The following GMPR variants were observed in gnomAD, a reference collection of about 807,000 sequenced individuals.
The protein encoded by GMPR is GMP reductase 1.
A neutral mutation model predicts 38.4 loss-of-function variants in GMPR; 31 were observed. The ratio of observed to expected loss-of-function variants is 0.81; its 90% CI spans 0.61 to 1.09. The LOEUF is 1.09. GMPR is among the 50% of genes least tolerant of loss of function. GMPR has a pLI of 0.00. For synonymous variants in GMPR, 162 were observed against 173.3 expected, an observed-to-expected ratio of 0.93 and a Z score of 0.51; for missense variants, 468 against 453.7, an observed-to-expected ratio of 1.03 and a Z score of -0.29.
At chr6:16,244,932 G>T (rs938325146) in intron 1 of GMPR, among the ~76,000 whole-genome samples, 1 of 152,168 alleles carries the variant, frequency 6.6e-6, no homozygotes, top group Non-Finnish European at 1.5e-5. Flanking sequence ...TCTGTGTTTT[G>T]TGTCCTGCTG....
At chr6:16,275,082 T>G (rs1409608442) in intron 5 of GMPR, among the ~76,000 whole-genome samples, 1 of 152,210 alleles carries the variant, frequency 6.6e-6, no homozygotes, top group African/African-American at 2.4e-5. Context: ...TAGAGCCTTC[T>G]GTCCTTGTCA....
In GMPR at chr6:16,290,642, C is replaced by T. The variant is rs150906211; in HGVS notation, c.857+21C>T. 6.6e-5 allele frequency: 106 copies of T among 1,607,064 alleles called. 1 individual carries two copies. In the African/African-American group the frequency reaches 9.8e-4, roughly 15 times the overall value. On this transcript the variant is annotated intron_variant, in intron 8 of 8. Transcript: ENST00000259727. ...TACAGGTGAGGAGGTGACCCCGGGG[C>T]GCACCCTCGAGGCCTGGCCTTGCTT...
chr6:16,285,846 G>T lies in GMPR; in HGVS notation c.697+11G>T. ...TCGCCAAAGCCTTTGGTAAGGCCGG[G>T]CCCTGGTGCAGAGGGAGGGAAGGAA... is the stretch of plus-strand genomic sequence containing the variant. On this transcript the variant is annotated intron_variant, in intron 7 of 8. Coordinates refer to ENST00000259727, the MANE Select transcript of GMPR (RefSeq NM_006877.4). 2.5e-6 allele frequency: 4 copies of T among 1,606,122 alleles called. No homozygotes were observed. The South Asian group carries it at 4.5e-5, about 18-fold the overall frequency.
intron 1 of GMPR, among the ~76,000 whole-genome samples, chr6:16,241,357 C>T (rs955241186): frequency 1.3e-5 from 2 of 152,144 alleles, no homozygotes; most frequent in African/African-American, 4.8e-5. Flanking sequence ...AGAGTGATCT[C>T]CCCCTCAGAA....
rs78444809 is a variant in GMPR at position 16,246,655 on chromosome 6, C to T, written c.88-187C>T. On this transcript the variant is annotated intron_variant, in intron 1 of 8. Transcript: ENST00000259727. ...GAAAGTAGGAGAGAGCTTCCGATTC[C>T]GAGGCTTGTCTTGACGGCGGAATTT... 8.7e-3 allele frequency among the ~76,000 whole-genome samples: 1,329 copies of T among 152,234 alleles called. 10 individuals are homozygous for T. Among genetic ancestry groups the T allele is most frequent in the Non-Finnish European group, 0.013 (917 of 68,018 alleles).
chr6:16,266,154 CT>C (rs1759212405), intron 4 of GMPR, among the ~76,000 whole-genome samples: 5 of 122,884 alleles, frequency 4.1e-5, no homozygotes, highest in African/African-American at 1.8e-4. Context: ...AGCTGTAACA[CT>C]TGCCATCTTT....
At chr6:16,289,079 GT>G (rs1243964630) in intron 7 of GMPR, among the ~76,000 whole-genome samples, 1 of 152,174 alleles carries the variant, frequency 6.6e-6, no homozygotes, top group Non-Finnish European at 1.5e-5. Context: ...GTGATTTGTT[GT>G]TTCGCTCTTT....
intron 6 of GMPR, among the ~76,000 whole-genome samples, chr6:16,284,596 G>T (rs922775226): frequency 5.9e-5 from 9 of 152,160 alleles, no homozygotes; most frequent in Non-Finnish European, 1.2e-4. Flanking sequence ...TGGCTTTCGT[G>T]ACTGTCCCCG....
intron 1 of GMPR, among the ~76,000 whole-genome samples, chr6:16,240,325 A>G (rs1246986079): frequency 6.6e-6 from 1 of 152,332 alleles, no homozygotes; most frequent in African/African-American, 2.4e-5. Context: ...GCTTGAGGCC[A>G]GGAGTTCGAG....
intron 1 of GMPR, among the ~76,000 whole-genome samples, chr6:16,241,227 G>A (rs2113664819): frequency 6.6e-6 from 1 of 152,188 alleles, no homozygotes; most frequent in East Asian, 1.9e-4. Context: ...CACCCTGGGA[G>A]TAGAGTCTGG....
At chr6:16,244,404 G>A (rs946825890) in intron 1 of GMPR, among the ~76,000 whole-genome samples, 9 of 151,546 alleles carry the variant, frequency 5.9e-5, no homozygotes, top group African/African-American at 2.2e-4. Flanking sequence ...GTGTAGAGAT[G>A]GGGTTTCACC....
intron 4 of GMPR, among the ~76,000 whole-genome samples, chr6:16,268,316 T>C (rs1280216277): frequency 6.6e-6 from 1 of 152,202 alleles, no homozygotes; most frequent in Non-Finnish European, 1.5e-5. Context: ...TTGATACTCC[T>C]CTTTTTTGTT....
chr6:16,255,907 T>C (rs1156455781), intron 4 of GMPR, among the ~76,000 whole-genome samples: 1 of 152,144 alleles, frequency 6.6e-6, no homozygotes. Context: ...TTCAAACACA[T>C]AGGAAGAAAG....
chr6:16,262,178 C>T (rs1301698484), intron 4 of GMPR: 3 of 151,676 alleles, frequency 2.0e-5, no homozygotes, highest in Non-Finnish European at 4.4e-5. Context: ...CAGACTTACC[C>T]TCCACTGTGA....
At position 16,251,348 on chromosome 6, in the gene GMPR, A is replaced by T. The variant is rs1758871647; in HGVS notation, c.291+981A>T. ...AACTTTGGGAGGCCGAGTCGGGTGGATCACCTGAGGTCGGGAGTTCGAGTC... is the reference window on the plus strand; with the variant it reads ...AACTTTGGGAGGCCGAGTCGGGTGGTTCACCTGAGGTCGGGAGTTCGAGTC... On this transcript the variant is annotated intron_variant, in intron 3 of 8. Transcript: ENST00000259727. Among the ~76,000 whole-genome samples, 9 of 152,220 alleles carry T rather than the reference A, an allele frequency of 5.9e-5. No individual in the cohort carries two copies. In the South Asian group the frequency reaches 1.9e-3, roughly 32 times the overall value.
chr6:16,287,469 G>A (rs183259549), intron 7 of GMPR, among the ~76,000 whole-genome samples: 309 of 152,278 alleles, frequency 2.0e-3, no homozygotes, highest in Admixed American at 3.0e-3. Context: ...CTCCTCCACT[G>A]TCTCTCAGTC....
At chr6:16,270,065 T>C (rs944162762) in intron 4 of GMPR, among the ~76,000 whole-genome samples, 12 of 152,350 alleles carry the variant, frequency 7.9e-5, no homozygotes, top group African/African-American at 2.9e-4. Flanking sequence ...ACCTTGGGAA[T>C]AAAGATTTCA....
intron 1 of GMPR, among the ~76,000 whole-genome samples, chr6:16,240,905 C>T (rs113051288): frequency 6.6e-6 from 1 of 151,988 alleles, no homozygotes; most frequent in Non-Finnish European, 1.5e-5. Context: ...AATCGGTTGC[C>T]GTGATGGTTT....
intron 4 of GMPR, among the ~76,000 whole-genome samples, chr6:16,260,963 C>T (rs1187890104): frequency 4.0e-5 from 6 of 151,800 alleles, no homozygotes; most frequent in Non-Finnish European, 8.8e-5. Context: ...AAAGTATATG[C>T]GTCAGGTATG....
Sources: allele counts gnomAD v4.1 joint callset (sites outside exome capture counted in the v4.1 genomes callset), GRCh38; gene constraint gnomAD v4.1.1; transcripts MANE v1.5; gene names NCBI Gene and HGNC (gene_info 2026-07-23, HGNC 2026-07-21).